Variants in HSF2BP observed in about 807,000 individuals in gnomAD.
HSF2BP encodes the protein heat shock factor 2-binding protein.
HSF2BP carries 35 observed loss-of-function variants against 35.0 expected under a neutral mutation model. That is an observed-to-expected ratio of 1.00 (90% CI 0.76 to 1.32). The LOEUF (loss-of-function observed/expected upper bound fraction) is 1.32, where lower values mean the gene tolerates loss of function less well. Among genes scored for constraint, HSF2BP ranks in the 40% most tolerant of loss-of-function variants. The pLI is 0.00. For synonymous variants in HSF2BP, 114 were observed against 117.4 expected, an observed-to-expected ratio of 0.97 and a Z score of 0.18; for missense variants, 326 against 321.7, an observed-to-expected ratio of 1.01 and a Z score of -0.10.
At chr21:43,593,716 C>T (rs1178506564) in intron 7 of HSF2BP, among the ~76,000 whole-genome samples, 1 of 151,806 alleles carries the variant, frequency 6.6e-6, no homozygotes, top group African/African-American at 2.4e-5. Flanking sequence ...GGTAATTAGA[C>T]ACATGGAAAA....
intron 7 of HSF2BP, 63 bp from the exon 8 acceptor site, chr21:43,592,391 A>G: frequency 3.8e-6 from 4 of 1,054,380 alleles, no homozygotes; most frequent in Non-Finnish European, 5.9e-6. Context: ...CCCTAAACAT[A>G]CCTACTAGTT....
intron 3 of HSF2BP, among the ~76,000 whole-genome samples, chr21:43,648,284 C>T (rs559254233): frequency 2.5e-4 from 38 of 152,172 alleles, no homozygotes; most frequent in South Asian, 2.5e-3. Flanking sequence ...ATAGCAGCCC[C>T]GCAGGAAACT....
At chr21:43,626,414 A>G (rs1042210271) in intron 6 of HSF2BP, among the ~76,000 whole-genome samples, 1 of 152,222 alleles carries the variant, frequency 6.6e-6, no homozygotes, top group Non-Finnish European at 1.5e-5. Context: ...AGCTGTTGGG[A>G]CTTTAAATTA....
At chr21:43,604,120 G>A (rs1229173725) in intron 7 of HSF2BP, among the ~76,000 whole-genome samples, 3 of 151,922 alleles carry the variant, frequency 2.0e-5, no homozygotes, top group Non-Finnish European at 4.4e-5. Context: ...GAGCAGGAGC[G>A]CTGGAAATAC....
At position 43,591,305 on chromosome 21, in the gene HSF2BP, C is replaced by A. The variant is rs898800549; in HGVS notation, c.796+920G>T. Among the ~76,000 whole-genome samples, 31 of 152,266 alleles carry A rather than the reference C, an allele frequency of 2.0e-4. 1 individual carries two copies. The highest frequency in any genetic ancestry group is 7.0e-4 in the African/African-American group (29 of 41,566). On this transcript the variant is annotated intron_variant, in intron 8 of 8. Transcript: ENST00000291560. ...ACATGTGTACTTCTCTTCATAGCTG[C>A]AGTGTCTTTCCAATTTCTTTTTACC...
chr21:43,630,525 G>A, intron 5 of HSF2BP, 71 bp from the exon 6 acceptor site: 3 of 1,477,118 alleles, frequency 2.0e-6, no homozygotes, highest in Non-Finnish European at 2.7e-6. Flanking sequence ...AAAAGTGCAG[G>A]ATACAGAAGA....
chr21:43,610,670 T>C (rs1171726876), intron 7 of HSF2BP, among the ~76,000 whole-genome samples: 1 of 152,146 alleles, frequency 6.6e-6, no homozygotes, highest in Non-Finnish European at 1.5e-5. Context: ...TAGAGGAATA[T>C]AATAAATAGC....
At chr21:43,658,002 A>G in intron 2 of HSF2BP, 59 bp downstream of exon 2, 1 of 1,533,950 alleles carries the variant, frequency 6.5e-7, no homozygotes, top group Non-Finnish European at 8.7e-7. Context: ...CGAGGCCCTG[A>G]GGGGAGCGAA....
At position 43,658,178 on chromosome 21, in the gene HSF2BP, C is replaced by T. The variant is rs1568949886; in HGVS notation, c.-82G>A. 2 of 1,415,070 alleles carry T rather than the reference C, an allele frequency of 1.4e-6. No individual in the cohort carries two copies. Among genetic ancestry groups the T allele is most frequent in the African/African-American group, 1.5e-5 (1 of 68,170 alleles). 87.7% of individuals were successfully genotyped at this position (1,415,070 alleles called of 1,614,324 possible). On this transcript the variant is annotated 5_prime_UTR_variant, in exon 2 of 9. Coordinates refer to ENST00000291560, the MANE Select transcript of HSF2BP (RefSeq NM_007031.2). ...ACGCCAGAAAGCGCGGGAACGAATC[C>T]ACGCCGGGGGTCGGGAACGGAGAGC... is the stretch of plus-strand genomic sequence containing the variant.
chr21:43,575,607 A>T (rs2838321), intron 8 of HSF2BP, among the ~76,000 whole-genome samples: 90,228 of 152,062 alleles, frequency 0.59, 27,154 homozygotes, highest in East Asian at 0.79. Context: ...CTTTAGCCCA[A>T]AAGAAAATGA....
At chr21:43,631,538 C>T (rs1214656699) in intron 5 of HSF2BP, among the ~76,000 whole-genome samples, 1 of 152,182 alleles carries the variant, frequency 6.6e-6, no homozygotes. Context: ...CTAATCCATC[C>T]TCACCCACTG....
intron 3 of HSF2BP, among the ~76,000 whole-genome samples, chr21:43,652,648 AAAG>A (rs1001010203): frequency 6.6e-6 from 1 of 152,176 alleles, no homozygotes; most frequent in African/African-American, 2.4e-5. Context: ...GGCCTTATAA[AAAG>A]AAGAATTTTT....
At chr21:43,656,566 C>T in intron 3 of HSF2BP, 21 bp downstream of exon 3, 3 of 1,600,862 alleles carry the variant, frequency 1.9e-6, no homozygotes, top group Non-Finnish European at 2.6e-6. Flanking sequence ...CCACCAATGA[C>T]TGCTGAAAAT....
intron 3 of HSF2BP, 21 bp from the exon 4 acceptor site, chr21:43,644,413 T>TA (rs1568939110): frequency 4.4e-6 from 7 of 1,585,834 alleles, no homozygotes; most frequent in Non-Finnish European, 6.1e-6. Context: ...GACATAAAAT[T>TA]ACTCAAGATA....
chr21:43,657,946 G>A, intron 2 of HSF2BP, 115 bp downstream of exon 2: 20 of 1,510,308 alleles, frequency 1.3e-5, no homozygotes, highest in Non-Finnish European at 1.8e-5. Context: ...AAGTCTCCAG[G>A]CTTCCCCCAA....
chr21:43,573,070 T>C (rs1383025324), intron 8 of HSF2BP, among the ~76,000 whole-genome samples: 2 of 151,952 alleles, frequency 1.3e-5, no homozygotes, highest in African/African-American at 4.8e-5. Context: ...AGCCCATGAG[T>C]GAGTGAATGA....
chr21:43,600,541 G>T (rs11911560), intron 7 of HSF2BP, among the ~76,000 whole-genome samples: 4,343 of 152,234 alleles, frequency 0.029, 224 homozygotes, highest in African/African-American at 0.099. Flanking sequence ...AGAAACTTAA[G>T]AGGCCTACCA....
At chr21:43,620,893 G>GA (rs1182303167) in intron 6 of HSF2BP, among the ~76,000 whole-genome samples, 2 of 151,902 alleles carry the variant, frequency 1.3e-5, no homozygotes, top group African/African-American at 2.4e-5. Flanking sequence ...AGGAGAAAAA[G>GA]AAAAAACCAA....
intron 4 of HSF2BP, among the ~76,000 whole-genome samples, chr21:43,637,641 T>C (rs1336452650): frequency 2.0e-5 from 3 of 150,072 alleles, no homozygotes; most frequent in African/African-American, 5.0e-5. Context: ...ACCCTATCTC[T>C]ACAAAAACTT....
Sources: gnomAD v4.1 joint callset for allele counts (sites outside exome capture counted in the v4.1 genomes callset) on GRCh38, gnomAD v4.1.1 for gene constraint, MANE v1.5 for transcripts, NCBI Gene and HGNC (gene_info 2026-07-23, HGNC 2026-07-21) for gene names.